IQSEC3: variants seen among roughly 807,000 people sequenced by gnomAD.
IQSEC3 encodes IQ motif and SEC7 domain-containing protein 3.
In IQSEC3, 50 loss-of-function variants were observed where a neutral mutation model predicts 105.4. That is an observed-to-expected ratio of 0.47 (90% CI 0.38 to 0.60). The LOEUF is 0.60. Among genes scored for constraint, IQSEC3 ranks in the 20% least tolerant of loss-of-function variants. IQSEC3 has a pLI of 0.00. For synonymous variants in IQSEC3, 708 were observed against 746.0 expected (o/e 0.95, Z 0.83); for missense variants, 1,415 against 1,630.0 (o/e 0.87, Z 2.27).
intron 5 of IQSEC3, among the ~76,000 whole-genome samples, chr12:153,922 C>T (rs190863244): frequency 3.6e-4 from 55 of 152,266 alleles, no homozygotes; most frequent in Non-Finnish European, 5.9e-4. Context: ...CCAGGACTTG[C>T]CCCCAAATAT....
intron 1 of IQSEC3, among the ~76,000 whole-genome samples, chr12:90,869 G>A (rs1864061862): frequency 6.6e-6 from 1 of 152,140 alleles, no homozygotes. Context: ...TATTTATTAA[G>A]TTTAAATAGA....
intron 1 of IQSEC3, among the ~76,000 whole-genome samples, chr12:72,539 C>T (rs1330407024): frequency 3.7e-4 from 50 of 134,036 alleles, no homozygotes; most frequent in African/African-American, 1.2e-3. Flanking sequence ...TAGTAAGAGG[C>T]CCTGGGGACA....
intron 2 of IQSEC3, among the ~76,000 whole-genome samples, chr12:107,671 A>G (rs1301125960): frequency 1.3e-5 from 2 of 151,912 alleles, no homozygotes; most frequent in African/African-American, 4.8e-5. Flanking sequence ...CGGCCTCCCA[A>G]AGTGCTGGGA....
chr12:71,722 C>T (rs189043194), intron 1 of IQSEC3, among the ~76,000 whole-genome samples: 276 of 152,374 alleles, frequency 1.8e-3, no homozygotes, highest in African/African-American at 6.2e-3. Context: ...TAGGTGAGGA[C>T]AGTCTCAACA....
Position 124,103 on chromosome 12 carries a change from T to C in IQSEC3, c.624-1530T>C, listed in dbSNP as rs112240139. ...GCTGGGGAAATAAGAGTTTATTTAC[T>C]GGGCCGGGCACAGTGGCTCACACCT... On this transcript the variant is annotated intron_variant, in intron 2 of 13. Transcript: ENST00000538872. Among the ~76,000 whole-genome samples the C allele has an allele frequency of 8.4e-3, 1,274 of 152,202 alleles. 18 individuals carry two copies. Among genetic ancestry groups the C allele is most frequent in the African/African-American group, 0.029 (1,219 of 41,526 alleles).
chr12:77,969 G>C (rs1863605969), intron 1 of IQSEC3, among the ~76,000 whole-genome samples: 1 of 151,726 alleles, frequency 6.6e-6, no homozygotes, highest in African/African-American at 2.4e-5. Context: ...CCAGCGTCCA[G>C]CCTCGCACTT....
intron 7 of IQSEC3, among the ~76,000 whole-genome samples, chr12:159,744 G>A (rs1565444296): frequency 1.3e-5 from 2 of 152,146 alleles, no homozygotes; most frequent in Non-Finnish European, 2.9e-5. Flanking sequence ...GGCTGGACTG[G>A]TCCTTTCCAT....
intron 7 of IQSEC3, among the ~76,000 whole-genome samples, chr12:161,350 A>G (rs892590415): frequency 6.6e-6 from 1 of 152,136 alleles, no homozygotes; most frequent in Non-Finnish European, 1.5e-5. Flanking sequence ...CATTACTATG[A>G]AGCAGGAGGT....
chr12:137,199 T>C (rs1204179429), intron 3 of IQSEC3, among the ~76,000 whole-genome samples: 2 of 152,172 alleles, frequency 1.3e-5, no homozygotes, highest in African/African-American at 2.4e-5. Flanking sequence ...CAGCTAACTA[T>C]GTACTGGGAA....
chr12:85,918 TC>T (rs1863902790), intron 1 of IQSEC3, among the ~76,000 whole-genome samples: 1 of 152,156 alleles, frequency 6.6e-6, no homozygotes, highest in Non-Finnish European at 1.5e-5. Flanking sequence ...GCACACTTAA[TC>T]CCCCATTTCT....
intron 2 of IQSEC3, among the ~76,000 whole-genome samples, chr12:113,954 G>C (rs1290854433): frequency 1.3e-5 from 2 of 152,238 alleles, no homozygotes; most frequent in Non-Finnish European, 2.9e-5. Flanking sequence ...GCATAAACCA[G>C]ATAATTCAAA....
chr12:125,701 C>G lies in IQSEC3; in HGVS notation c.692C>G (p.Ala231Gly). 3 of 1,532,338 alleles carry G rather than the reference C, an allele frequency of 2.0e-6. No individual in the cohort carries two copies. Among genetic ancestry groups the G allele is most frequent in the Non-Finnish European group, 2.6e-6 (3 of 1,150,632 alleles). 94.9% of individuals were successfully genotyped at this position (1,532,338 alleles called of 1,614,324 possible). A position where few individuals can be genotyped will look rare whatever the true frequency, so the allele number is the denominator to read the frequency against. ...DSVVAAAAVA[A>G]GRPSAHAPKA... Reference sequence around the variant, plus strand: ...GTGGTGGCAGCGGCGGCGGTGGCAGCCGGCAGACCCAGTGCCCATGCCCCG... The same window carrying G: ...GTGGTGGCAGCGGCGGCGGTGGCAGGCGGCAGACCCAGTGCCCATGCCCCG... Residue 231 changes from alanine (A) to glycine (G), a missense_variant, in exon 3 of 14, where the codon GCC (alanine) becomes GGC (glycine). Ala to Gly is a moderately conservative substitution (Grantham distance 60). Coordinates refer to ENST00000538872, the MANE Select transcript of IQSEC3 (RefSeq NM_001170738.2).
Position 152,202 on chromosome 12 carries a change from C to T in IQSEC3, c.2154-4823C>T, listed in dbSNP as rs562281976. 2.6e-5 allele frequency among the ~76,000 whole-genome samples: 4 copies of T among 152,216 alleles called. No homozygotes were observed. The highest frequency in any genetic ancestry group is 5.9e-5 in the Non-Finnish European group (4 of 68,042). ...CAGAAAGGGGAAGGCAGGAGGTCAGCGATATGGACCCTGCTGTGGGCTCCA... is the reference window on the plus strand; with the variant it reads ...CAGAAAGGGGAAGGCAGGAGGTCAGTGATATGGACCCTGCTGTGGGCTCCA... On this transcript the variant is annotated intron_variant, in intron 5 of 13. Transcript: ENST00000538872. The surrounding 1 kb of genome is among the most constrained non-coding windows in gnomAD (Gnocchi z 4.8).
intron 5 of IQSEC3, among the ~76,000 whole-genome samples, chr12:145,327 G>T (rs1246865503): frequency 6.6e-6 from 1 of 152,100 alleles, no homozygotes; most frequent in Non-Finnish European, 1.5e-5. Flanking sequence ...AGGGCTACTG[G>T]GCAGTGGCAT....
chr12:118,370 C>T (rs1325325961), intron 2 of IQSEC3, among the ~76,000 whole-genome samples: 1 of 150,816 alleles, frequency 6.6e-6, no homozygotes, highest in African/African-American at 2.4e-5. Flanking sequence ...CTGAGATCAC[C>T]ATATTGATTC....
chr12:161,979 A>G lies in IQSEC3; in HGVS notation c.2497A>G (p.Arg833Gly). 6.2e-7 allele frequency: 1 copy of G among 1,613,514 alleles called. No homozygotes were observed. Among genetic ancestry groups the G allele is most frequent in the Non-Finnish European group, 8.5e-7 (1 of 1,179,894 alleles). The change falls in exon 8 of 14, where the codon AGG becomes GGG. Residue 833 changes from arginine (R) to glycine (G), a missense_variant. By Grantham distance (125) the Arg-to-Gly change is moderately radical (BLOSUM62 -2). Transcript: ENST00000538872. ...GGAGCTGGTGGTAGGCATCTATGAG[A>G]GGATACAGCAGAAGGAGCTCAAGTC... is the stretch of plus-strand genomic sequence containing the variant. ...PRELVVGIYE[R>G]IQQKELKSNE...
chr12:149,797 G>C (rs948326044), intron 5 of IQSEC3, among the ~76,000 whole-genome samples: 8 of 152,150 alleles, frequency 5.3e-5, no homozygotes, highest in African/African-American at 1.9e-4. Context: ...GCAGCAGGAA[G>C]AAATAACAGC....
intron 5 of IQSEC3, among the ~76,000 whole-genome samples, chr12:153,988 T>G (rs1475804959): frequency 2.6e-5 from 4 of 152,092 alleles, no homozygotes; most frequent in African/African-American, 9.7e-5. Context: ...ACAAACCACC[T>G]TATGACTCCG....
chr12:105,017 G>A (rs1468932743), intron 2 of IQSEC3, among the ~76,000 whole-genome samples: 1 of 152,256 alleles, frequency 6.6e-6, no homozygotes, highest in Non-Finnish European at 1.5e-5. Flanking sequence ...CCACGCACTG[G>A]TGGCTTAGGG....
Sources: gnomAD v4.1 joint callset for allele counts (sites outside exome capture counted in the v4.1 genomes callset) on GRCh38, gnomAD v4.1.1 for gene constraint, Gnocchi (gnomAD v3.1) non-coding constraint, MANE v1.5 for transcripts, NCBI Gene and HGNC (gene_info 2026-07-23, HGNC 2026-07-21) for gene names.